Variants in NSF observed in about 807,000 individuals in gnomAD.
The protein encoded by NSF is N-ethylmaleimide sensitive factor, vesicle fusing ATPase.
In NSF, 14 loss-of-function variants were observed where a neutral mutation model predicts 50.3. The observed-to-expected ratio is 0.28, with a 90% CI of 0.18 to 0.44. The LOEUF (loss-of-function observed/expected upper bound fraction) is 0.44, where lower values mean the gene tolerates loss of function less well. Among genes scored for constraint, NSF ranks in the 20% least tolerant of loss-of-function variants. The pLI, the probability that NSF is intolerant of heterozygous loss-of-function variation, is 1.00. For missense variants in NSF, 218 were observed against 504.3 expected, an observed-to-expected ratio of 0.43 and a Z score of 5.44; for synonymous variants, 109 against 175.7, an observed-to-expected ratio of 0.62 and a Z score of 3.00.
At chr17:46,678,554 G>A (rs2058423755) in intron 9 of NSF, among the ~76,000 whole-genome samples, 1 of 148,078 alleles carries the variant, frequency 6.8e-6, no homozygotes, top group African/African-American at 2.5e-5. Context: ...GTTCCAGAAA[G>A]GCAAGAGAAA....
rs1331640083 is a variant in NSF, at chr17:46,675,598, A to T, written c.945+985A>T. Among the ~76,000 whole-genome samples, 4 of 131,872 alleles carry T rather than the reference A, an allele frequency of 3.0e-5. 1 individual carries two copies. Among genetic ancestry groups the T allele is most frequent in the African/African-American group, 6.3e-5 (2 of 31,792 alleles). 86.5% of individuals were successfully genotyped at this position (131,872 alleles called of 152,430 possible). A position where few individuals can be genotyped will look rare whatever the true frequency, so the allele number is the denominator to read the frequency against. ...GGCTGACATATATATGTGGGTGTAT[A>T]TGCATACATACATATTCATAGAGAT... On this transcript the variant is annotated intron_variant, in intron 9 of 20. Coordinates refer to ENST00000398238, the MANE Select transcript of NSF (RefSeq NM_006178.4).
At chr17:46,696,572 G>T (rs1346079139) in intron 12 of NSF, among the ~76,000 whole-genome samples, 1 of 94,566 alleles carries the variant, frequency 1.1e-5, no homozygotes, top group African/African-American at 5.9e-5. Flanking sequence ...GCTTCAGCAT[G>T]GAAGTTAGGG....
chr17:46,675,696 AT>A (rs1324705732), intron 9 of NSF, among the ~76,000 whole-genome samples: 2 of 134,146 alleles, frequency 1.5e-5, no homozygotes, highest in African/African-American at 6.1e-5. Flanking sequence ...GTCTGTTCTG[AT>A]TAATTATCCT....
intron 14 of NSF, among the ~76,000 whole-genome samples, chr17:46,712,587 T>C (rs1342502322): frequency 6.6e-6 from 1 of 152,088 alleles, no homozygotes; most frequent in Non-Finnish European, 1.5e-5. Context: ...GAGAAGTAAA[T>C]CGGAAATGTT....
intron 8 of NSF, among the ~76,000 whole-genome samples, chr17:46,667,538 T>A (rs1330761944): frequency 1.4e-5 from 2 of 143,432 alleles, no homozygotes; most frequent in Non-Finnish European, 3.1e-5. Flanking sequence ...TGCTCTCCAG[T>A]TTAAAGAAAA....
intron 17 of NSF, among the ~76,000 whole-genome samples, chr17:46,742,336 A>G (rs370208692): frequency 8.5e-5 from 13 of 152,214 alleles, no homozygotes; most frequent in African/African-American, 2.7e-4. Context: ...GAAAGTAATA[A>G]TGAAGGAGTG....
At chr17:46,712,165 G>A (rs1261662903) in intron 14 of NSF, among the ~76,000 whole-genome samples, 1 of 151,900 alleles carries the variant, frequency 6.6e-6, no homozygotes, top group Non-Finnish European at 1.5e-5. Flanking sequence ...TTTGAAGTAT[G>A]TGGAGTAGTG....
chr17:46,630,688 C>T lies in NSF; in HGVS notation c.238+238C>T, dbSNP rs79570800. The T allele has an allele frequency of 4.2e-3, 2,208 of 520,434 alleles. 80 individuals are homozygous for T. The highest frequency in any genetic ancestry group is 0.023 in the Middle Eastern group (46 of 1,986). The allele number at this position is 520,434 out of a possible 1,614,324, so 32.2% of individuals were successfully genotyped here. On this transcript the variant is annotated intron_variant, in intron 4 of 20. Transcript: ENST00000398238. ...AGGCAAGGAAAGCAATTTATGACTT[C>T]CAGTTGGGGGCGTGGCGGGGTGGAA...
At chr17:46,727,086 A>G (rs1163326155) in intron 16 of NSF, among the ~76,000 whole-genome samples, 2 of 152,244 alleles carry the variant, frequency 1.3e-5, no homozygotes, top group Admixed American at 6.5e-5. Context: ...AACAGAGACT[A>G]TAATCCCTCT....
At chr17:46,732,033 GT>G (rs1360575270) in intron 17 of NSF, among the ~76,000 whole-genome samples, 1 of 152,118 alleles carries the variant, frequency 6.6e-6, no homozygotes, top group Non-Finnish European at 1.5e-5. Flanking sequence ...TTAGCATATA[GT>G]TTTTTCAGAT....
intron 17 of NSF, among the ~76,000 whole-genome samples, chr17:46,735,292 T>G (rs1172976879): frequency 6.6e-6 from 1 of 152,142 alleles, no homozygotes; most frequent in African/African-American, 2.4e-5. Flanking sequence ...GACGAAATAT[T>G]TTTTCATTGC....
chr17:46,746,127 G>A (rs1031226869), intron 17 of NSF, among the ~76,000 whole-genome samples: 4 of 152,148 alleles, frequency 2.6e-5, no homozygotes, highest in African/African-American at 7.2e-5. Flanking sequence ...CTGTCTTTCT[G>A]TGGAAGGTCT....
rs1305271708 is a variant in NSF at position 46,749,605 on chromosome 17, T to C, written c.1909-168T>C. 3.9e-5 allele frequency among the ~76,000 whole-genome samples: 6 copies of C among 152,222 alleles called. No homozygotes were observed. The East Asian group carries it at 1.2e-3, about 29-fold the overall frequency. On this transcript the variant is annotated intron_variant, in intron 17 of 20. Coordinates refer to ENST00000398238, the MANE Select transcript of NSF (RefSeq NM_006178.4). ...CTTTCTGAATCATGTGGTTGGTACC[T>C]TTTTTCAGGATTTTCAGGAAAATCC...
intron 1 of NSF, among the ~76,000 whole-genome samples, chr17:46,621,375 C>T (rs920834355): frequency 3.7e-5 from 5 of 134,194 alleles, no homozygotes; most frequent in African/African-American, 1.4e-4. Context: ...CAAGCTCCGC[C>T]TCCCGGGCTC....
Position 46,749,862 on chromosome 17 carries a change from C to T in NSF, c.1998C>T (p.His666=), listed in dbSNP as rs371727681. Residue 666 remains histidine, a synonymous_variant, in exon 18 of 21, where the codon CAC becomes CAT. Transcript: ENST00000398238. Reference sequence around the variant, plus strand: ...TTAACGCTTTCAGCACCACCATCCACGTGCCCAACATTGCCACAGGAGAGC... The same window carrying T: ...TTAACGCTTTCAGCACCACCATCCATGTGCCCAACATTGCCACAGGAGAGC... ...EMLNAFSTTI[H]VPNIATGEQL... 2.4e-5 allele frequency: 38 copies of T among 1,614,022 alleles called. No individual in the cohort carries two copies. The highest frequency in any genetic ancestry group is 3.3e-5 in the South Asian group (3 of 91,084).
intron 17 of NSF, among the ~76,000 whole-genome samples, chr17:46,745,416 G>A (rs906053012): frequency 6.6e-6 from 1 of 152,204 alleles, no homozygotes; most frequent in Non-Finnish European, 1.5e-5. Flanking sequence ...TTGGAGTCTT[G>A]TTAAACAAGA....
intron 13 of NSF, among the ~76,000 whole-genome samples, chr17:46,709,648 C>G (rs2058698459): frequency 6.6e-6 from 1 of 152,086 alleles, no homozygotes. Flanking sequence ...GCACACACCA[C>G]CACACCCAGC....
intron 14 of NSF, among the ~76,000 whole-genome samples, chr17:46,712,413 A>G (rs934859323): frequency 3.9e-5 from 6 of 152,098 alleles, no homozygotes; most frequent in Admixed American, 1.3e-4. Flanking sequence ...TATTTGTTAG[A>G]TTGGATGTGG....
chr17:46,730,437 A>G (rs963527987), intron 17 of NSF, among the ~76,000 whole-genome samples: 1 of 152,186 alleles, frequency 6.6e-6, no homozygotes, highest in Non-Finnish European at 1.5e-5. Flanking sequence ...AAACAGAGGT[A>G]CACCCCCTTG....
Sources: gnomAD v4.1 joint callset for allele counts (sites outside exome capture counted in the v4.1 genomes callset) on GRCh38, gnomAD v4.1.1 for gene constraint, MANE v1.5 for transcripts, NCBI Gene and HGNC (gene_info 2026-07-23, HGNC 2026-07-21) for gene names.